IPO11: variants seen among roughly 807,000 people sequenced by gnomAD.
The protein encoded by IPO11 is importin-11.
IPO11 carries 66 observed loss-of-function variants against 143.2 expected under a neutral mutation model. That is an observed-to-expected ratio of 0.46 (90% CI 0.38 to 0.57). The LOEUF (loss-of-function observed/expected upper bound fraction) is 0.57. Ranked by LOEUF, IPO11 falls within the 20% of genes least tolerant of loss-of-function variation. The pLI, the probability that IPO11 is intolerant of heterozygous loss-of-function variation, is 0.00. For synonymous variants in IPO11, 385 were observed against 377.8 expected, an observed-to-expected ratio of 1.02 and a Z score of -0.22; for missense variants, 1,026 against 1,141.0, an observed-to-expected ratio of 0.90 and a Z score of 1.45.
chr5:62,613,080 T>G (rs1052761751), intron 29 of IPO11, among the ~76,000 whole-genome samples: 92 of 152,332 alleles, frequency 6.0e-4, no homozygotes, highest in African/African-American at 2.2e-3. Context: ...TGTTGTTTAA[T>G]GTACTTTTTC....
chr5:62,486,227 G>T (rs768608554), intron 12 of IPO11, among the ~76,000 whole-genome samples: 9 of 151,920 alleles, frequency 5.9e-5, no homozygotes, highest in African/African-American at 2.2e-4. Context: ...TGAGCCACCC[G>T]CCTCGGCCTC....
At chr5:62,439,285 T>G (rs1247666055) in intron 2 of IPO11, among the ~76,000 whole-genome samples, 1 of 39,884 alleles carries the variant, frequency 2.5e-5, no homozygotes, top group Non-Finnish European at 5.7e-5. Context: ...ACTGCGTAGG[T>G]TTTTTTTTTT....
chr5:62,484,757 C>T (rs1404613352), intron 11 of IPO11, among the ~76,000 whole-genome samples: 2 of 151,726 alleles, frequency 1.3e-5, no homozygotes, highest in South Asian at 2.1e-4. Flanking sequence ...GGTTGTGTAC[C>T]CTTGTGTAGT....
At chr5:62,543,187 G>A (rs912071262) in intron 24 of IPO11, among the ~76,000 whole-genome samples, 15 of 152,126 alleles carry the variant, frequency 9.9e-5, no homozygotes, top group Non-Finnish European at 2.9e-5. Context: ...TGCAGTGTAG[G>A]CCTAAGTCAA....
At chr5:62,553,473 A>T (rs572329325) in intron 26 of IPO11, among the ~76,000 whole-genome samples, 2 of 152,222 alleles carry the variant, frequency 1.3e-5, no homozygotes, top group African/African-American at 4.8e-5. Context: ...TCTTTTCAAT[A>T]CAATGATTTC....
At chr5:62,485,517 T>C in intron 12 of IPO11, 55 bp downstream of exon 12, 1 of 1,329,542 alleles carries the variant, frequency 7.5e-7, no homozygotes, top group Non-Finnish European at 1.1e-6. Context: ...TTTCTAAAGC[T>C]CTTAGTAGAG....
chr5:62,530,101 C>T (rs1371865165), intron 21 of IPO11, among the ~76,000 whole-genome samples: 1 of 152,186 alleles, frequency 6.6e-6, no homozygotes, highest in Non-Finnish European at 1.5e-5. Flanking sequence ...ACATCAATTA[C>T]ATGTGGCAGA....
intron 26 of IPO11, among the ~76,000 whole-genome samples, chr5:62,552,055 C>T (rs1453528104): frequency 2.4e-4 from 37 of 151,992 alleles, no homozygotes; most frequent in Non-Finnish European, 1.5e-5. Context: ...ACCCGGGAGG[C>T]AGAGCTTGCA....
At position 62,477,300 on chromosome 5, in the gene IPO11, G is replaced by T. The variant is rs1041857799; in HGVS notation, c.828+547G>T. ...ATAATTGGGTTACAGCAGTTAGAAA[G>T]ACCTAGCTTGGGGACTGCTTGCACT... On this transcript the variant is annotated intron_variant, in intron 9 of 29. Coordinates refer to ENST00000325324, the MANE Select transcript of IPO11 (RefSeq NM_016338.5). 7.2e-5 allele frequency among the ~76,000 whole-genome samples: 11 copies of T among 152,198 alleles called. No homozygotes were observed. The East Asian group carries it at 2.1e-3, about 29-fold the overall frequency.
chr5:62,541,546 T>A (rs1742939026), intron 24 of IPO11, among the ~76,000 whole-genome samples: 1 of 151,772 alleles, frequency 6.6e-6, no homozygotes, highest in Admixed American at 6.6e-5. Context: ...CTGAGCATGG[T>A]GGTGTGTGCC....
intron 28 of IPO11, among the ~76,000 whole-genome samples, chr5:62,597,340 A>G (rs991974154): frequency 1.3e-5 from 2 of 152,232 alleles, no homozygotes; most frequent in Non-Finnish European, 2.9e-5. Context: ...CTTAAGACAA[A>G]TTCAATTTAA....
chr5:62,467,497 T>C (rs1030491189), intron 6 of IPO11, among the ~76,000 whole-genome samples: 3 of 152,248 alleles, frequency 2.0e-5, no homozygotes, highest in Middle Eastern at 3.2e-3. Context: ...TTCACATTAT[T>C]GCGGCCTCAT....
chr5:62,487,905 G>C (rs373907511), intron 13 of IPO11, 44 bp downstream of exon 13: 1 of 1,514,918 alleles, frequency 6.6e-7, no homozygotes, highest in South Asian at 1.2e-5. Context: ...TCTCTTTAAC[G>C]TTTAGTTAAG....
chr5:62,413,416 C>G (rs191229054), intron 1 of IPO11: 1 of 152,078 alleles, frequency 6.6e-6, no homozygotes, highest in African/African-American at 2.4e-5. Flanking sequence ...GGTAGTTGTC[C>G]GTTTATAGAG....
intron 7 of IPO11, among the ~76,000 whole-genome samples, chr5:62,472,163 A>T (rs1434941666): frequency 6.6e-6 from 1 of 152,220 alleles, no homozygotes; most frequent in African/African-American, 2.4e-5. Flanking sequence ...TCTTTTCTGT[A>T]TAGTAAATGC....
chr5:62,586,770 T>A lies in IPO11; in HGVS notation c.2583-4807T>A, dbSNP rs200045546. Among the ~76,000 whole-genome samples the A allele has an allele frequency of 1.8e-3, 116 of 65,264 alleles. 1 individual carries two copies. Among genetic ancestry groups the A allele is most frequent in the African/African-American group, 6.7e-3 (87 of 12,926 alleles). 42.8% of individuals were successfully genotyped at this position (65,264 alleles called of 152,430 possible). A position where few individuals can be genotyped will look rare whatever the true frequency, so the allele number is the denominator to read the frequency against. On this transcript the variant is annotated intron_variant, in intron 27 of 29. Transcript: ENST00000325324. ...CAGTCTCCAAAAAAAAAAAAAAAAATATATATATATATATATATATATATA... is the reference window on the plus strand; with the variant it reads ...CAGTCTCCAAAAAAAAAAAAAAAAAAATATATATATATATATATATATATA...
intron 3 of IPO11, among the ~76,000 whole-genome samples, chr5:62,447,305 A>G (rs1041492128): frequency 6.6e-6 from 1 of 151,794 alleles, no homozygotes; most frequent in African/African-American, 2.4e-5. Context: ...GGGTCTTGCT[A>G]TGTTGCCCAG....
At chr5:62,535,403 A>T (rs1176514542) in intron 22 of IPO11, among the ~76,000 whole-genome samples, 1 of 152,148 alleles carries the variant, frequency 6.6e-6, no homozygotes, top group Non-Finnish European at 1.5e-5. Flanking sequence ...CAAAAAAAGT[A>T]TGCACGAGTC....
intron 1 of IPO11, among the ~76,000 whole-genome samples, chr5:62,416,327 C>A (rs1157314458): frequency 3.3e-5 from 5 of 151,714 alleles, no homozygotes; most frequent in African/African-American, 1.2e-4. Context: ...GGATTACAGG[C>A]GCTCACCACC....
Sources: gnomAD v4.1 joint callset for allele counts (sites outside exome capture counted in the v4.1 genomes callset) on GRCh38, gnomAD v4.1.1 for gene constraint, MANE v1.5 for transcripts, NCBI Gene and HGNC (gene_info 2026-07-23, HGNC 2026-07-21) for gene names.